The following CHST14 variants were observed in gnomAD, a reference collection of about 807,000 sequenced individuals.
CHST14 encodes carbohydrate sulfotransferase 14.
Under a neutral mutation model 22.7 loss-of-function variants are expected in CHST14, and 13 were observed. That is an observed-to-expected ratio of 0.57 (90% CI 0.37 to 0.91). CHST14 has a LOEUF of 0.91. Ranked by LOEUF, CHST14 falls within the 40% of genes least tolerant of loss-of-function variation. The pLI is 0.01. For missense variants in CHST14, 466 were observed against 513.1 expected (o/e 0.91, Z 0.89); for synonymous variants, 233 against 231.9 (o/e 1.00, Z -0.04).
In CHST14 at chr15:40,471,411, C is replaced by G. The variant is rs1014902072; in HGVS notation, c.198C>G (p.Ala66=). ...TCATGATCGAGCGGGGCATCCTGGC[C>G]GAGATGAAGCCCCTGCCCCTGCACC... The part of the protein sequence containing the change: ...LLLMIERGIL[A]EMKPLPLHPP... Residue 66 remains alanine, a synonymous_variant, in exon 1 of 1, where the codon GCC becomes GCG. Transcript: ENST00000306243. The surrounding 1 kb of genome is among the most constrained non-coding windows in gnomAD (Gnocchi z 6.4). 1.3e-6 allele frequency: 2 copies of G among 1,557,736 alleles called. No homozygotes were observed. Among genetic ancestry groups the G allele is most frequent in the African/African-American group, 2.7e-5 (2 of 73,816 alleles).
Position 40,472,054 on chromosome 15 carries a change from C to T in CHST14, c.841C>T (p.Pro281Ser), listed in dbSNP as rs1894358004. The change falls in exon 1 of 1, where the codon CCC (proline) becomes TCC (serine). Residue 281 changes from proline (P) to serine (S), a missense_variant. Physicochemically the swap from Pro to Ser is moderately conservative, Grantham distance 74. Coordinates refer to ENST00000306243, the MANE Select transcript of CHST14 (RefSeq NM_130468.4). ...TGAGCGCATGAATGAGCATTGGATG[C>T]CCGTGTACCACCTGTGCCAGCCTTG... ...DPERMNEHWM[P>S]VYHLCQPCAV... is the part of the protein sequence containing the mutation. The T allele has an allele frequency of 6.2e-7, 1 of 1,614,074 alleles. No individual in the cohort carries two copies. The highest frequency in any genetic ancestry group is 1.3e-5 in the African/African-American group (1 of 74,922).
chr15:40,472,483 G>A lies in CHST14; in HGVS notation c.*139G>A, dbSNP rs1894365250. 1.9e-6 allele frequency: 2 copies of A among 1,026,142 alleles called. No individual in the cohort carries two copies. Among genetic ancestry groups the A allele is most frequent in the Non-Finnish European group, 1.4e-6 (1 of 699,056 alleles). The allele number at this position is 1,026,142 out of a possible 1,614,324, so 63.6% of individuals were successfully genotyped here. On this transcript the variant is annotated 3_prime_UTR_variant, in exon 1 of 1. Coordinates refer to ENST00000306243, the MANE Select transcript of CHST14 (RefSeq NM_130468.4). Reference sequence around the variant, plus strand: ...TGGATGGCAGAGACTGCCCTCAGAAGTTCCTTGTCCAGGGTGGGCACCCAC... The same window carrying A: ...TGGATGGCAGAGACTGCCCTCAGAAATTCCTTGTCCAGGGTGGGCACCCAC...
At position 40,471,436 on chromosome 15, in the gene CHST14, C is replaced by T; in HGVS notation, c.223C>T (p.Pro75Ser). 6.4e-7 allele frequency: 1 copy of T among 1,566,736 alleles called. No individual in the cohort carries two copies. The highest frequency in any genetic ancestry group is 2.4e-5 in the East Asian group (1 of 42,518). ...CGAGATGAAGCCCCTGCCCCTGCAC[C>T]CGCCCGGCCGCGAGGGCACAGCCTG... ...LAEMKPLPLH[P>S]PGREGTAWRG... Residue 75 changes from proline (P) to serine (S), a missense_variant, in exon 1 of 1, where the codon CCG becomes TCG. Pro to Ser is a moderately conservative substitution (Grantham distance 74). Transcript: ENST00000306243. This position sits in a 1 kb window ranked among gnomAD's most constrained non-coding sequence, Gnocchi z 6.4.
At position 40,471,685 on chromosome 15, in the gene CHST14, G is replaced by A. The variant is rs1326303873; in HGVS notation, c.472G>A (p.Ala158Thr). 6.2e-7 allele frequency: 1 copy of A among 1,613,534 alleles called. No homozygotes were observed. Among genetic ancestry groups the A allele is most frequent in the Non-Finnish European group, 8.5e-7 (1 of 1,180,034 alleles). ...CCTCTACTGCTACGTCCCCAAGGTG[G>A]CCTGCTCTAACTGGAAGCGGGTGAT... is the stretch of plus-strand genomic sequence containing the variant. ...RFLYCYVPKV[A>T]CSNWKRVMKV... Residue 158 changes from alanine to threonine, a missense_variant, in exon 1 of 1, where the codon GCC becomes ACC. Physicochemically the swap from Ala to Thr is moderately conservative, Grantham distance 58. Transcript: ENST00000306243. The surrounding 1 kb of genome is among the most constrained non-coding windows in gnomAD (Gnocchi z 6.4).
Position 40,471,696 on chromosome 15 carries a change from C to G in CHST14, c.483C>G (p.Asn161Lys). ...YCYVPKVACS[N>K]WKRVMKVLAG... ...ACGTCCCCAAGGTGGCCTGCTCTAA[C>G]TGGAAGCGGGTGATGAAGGTGCTGG... Residue 161 changes from asparagine to lysine, a missense_variant, in exon 1 of 1, where the codon AAC (asparagine) becomes AAG (lysine). Coordinates refer to ENST00000306243, the MANE Select transcript of CHST14 (RefSeq NM_130468.4). This position sits in a 1 kb window ranked among gnomAD's most constrained non-coding sequence, Gnocchi z 6.4. 1 of 1,613,714 alleles carries G rather than the reference C, an allele frequency of 6.2e-7. No individual in the cohort carries two copies. The highest frequency in any genetic ancestry group is 2.2e-5 in the East Asian group (1 of 44,872).
At position 40,471,404 on chromosome 15, in the gene CHST14, T is replaced by A. The variant is rs1467496325; in HGVS notation, c.191T>A (p.Ile64Asn). 1 of 1,557,640 alleles carries A rather than the reference T, an allele frequency of 6.4e-7. No homozygotes were observed. Among genetic ancestry groups the A allele is most frequent in the South Asian group, 1.2e-5 (1 of 85,630 alleles). ...SGLLLMIERG[I>N]LAEMKPLPLH... ...CTGCTGCTCATGATCGAGCGGGGCA[T>A]CCTGGCCGAGATGAAGCCCCTGCCC... The change falls in exon 1 of 1, where the codon ATC becomes AAC. Residue 64 changes from isoleucine (I) to asparagine (N), a missense_variant. Transcript: ENST00000306243. The surrounding 1 kb of genome is among the most constrained non-coding windows in gnomAD (Gnocchi z 6.4).
In CHST14 at chr15:40,471,715, G is replaced by C. The variant is rs766591465; in HGVS notation, c.502G>C (p.Val168Leu). ...ACSNWKRVMK[V>L]LAGVLDSVDV... ...CTCTAACTGGAAGCGGGTGATGAAG[G>C]TGCTGGCAGGCGTCCTGGACAGCGT... The change falls in exon 1 of 1, where the codon GTG becomes CTG. Residue 168 changes from valine (V) to leucine (L), a missense_variant. Val to Leu is a conservative substitution (Grantham distance 32, BLOSUM62 1). Transcript: ENST00000306243. This position sits in a 1 kb window ranked among gnomAD's most constrained non-coding sequence, Gnocchi z 6.4. 3 of 1,613,616 alleles carry C rather than the reference G, an allele frequency of 1.9e-6. No individual in the cohort carries two copies. Among genetic ancestry groups the C allele is most frequent in the Non-Finnish European group, 2.5e-6 (3 of 1,180,026 alleles).
In CHST14 at chr15:40,471,131, T is replaced by A. The variant is rs1309514790; in HGVS notation, c.-83T>A. ...CCCAACTACCCCCGGTCCCAGACCCTCCTCCCGCCCCCAGCCCGAGCCCGC... is the reference window on the plus strand; with the variant it reads ...CCCAACTACCCCCGGTCCCAGACCCACCTCCCGCCCCCAGCCCGAGCCCGC... On this transcript the variant is annotated 5_prime_UTR_variant, in exon 1 of 1. Coordinates refer to ENST00000306243, the MANE Select transcript of CHST14 (RefSeq NM_130468.4). This position sits in a 1 kb window ranked among gnomAD's most constrained non-coding sequence, Gnocchi z 6.4. 2.8e-3 allele frequency: 343 copies of A among 122,072 alleles called. No individual in the cohort carries two copies. Among genetic ancestry groups the A allele is most frequent in the Middle Eastern group, 6.0e-3 (3 of 498 alleles). 7.6% of individuals were successfully genotyped at this position (122,072 alleles called of 1,614,324 possible).
rs1196719003 is a variant in CHST14, at chr15:40,471,053, C to T, written c.-161C>T. 1.1e-5 allele frequency: 4 copies of T among 367,694 alleles called. No individual in the cohort carries two copies. In the East Asian group the frequency reaches 1.7e-4, roughly 15 times the overall value. The allele number at this position is 367,694 out of a possible 1,614,324, so 22.8% of individuals were successfully genotyped here. On this transcript the variant is annotated 5_prime_UTR_variant, in exon 1 of 1. Coordinates refer to ENST00000306243, the MANE Select transcript of CHST14 (RefSeq NM_130468.4). The surrounding 1 kb of genome is among the most constrained non-coding windows in gnomAD (Gnocchi z 6.4). ...CCCGCCGCCCGCTTCGGCGCCGCAGCCCGGGAGCCGGCCACCCCTACACGC... is the reference window on the plus strand; with the variant it reads ...CCCGCCGCCCGCTTCGGCGCCGCAGTCCGGGAGCCGGCCACCCCTACACGC...
Position 40,472,424 on chromosome 15 carries a change from C to T in CHST14, c.*80C>T. 6.8e-7 allele frequency: 1 copy of T among 1,472,936 alleles called. No homozygotes were observed. Among genetic ancestry groups the T allele is most frequent in the Non-Finnish European group, 9.2e-7 (1 of 1,089,756 alleles). The allele number at this position is 1,472,936 out of a possible 1,614,324, so 91.2% of individuals were successfully genotyped here. ...TGCTTCTGCCTGTCATTCGGAGAAA[C>T]TCTGGCTCTGGGGCTTGGGGCTTCT... is the stretch of plus-strand genomic sequence containing the variant. On this transcript the variant is annotated 3_prime_UTR_variant, in exon 1 of 1. Transcript: ENST00000306243.
At position 40,471,837 on chromosome 15, in the gene CHST14, G is replaced by A. The variant is rs1894353095; in HGVS notation, c.624G>A (p.Lys208=). The change falls in exon 1 of 1, where the codon AAG becomes AAA. Residue 208 remains lysine, a synonymous_variant. Coordinates refer to ENST00000306243, the MANE Select transcript of CHST14 (RefSeq NM_130468.4). This position sits in a 1 kb window ranked among gnomAD's most constrained non-coding sequence, Gnocchi z 6.4. The part of the protein sequence containing the change: ...EIRYRLQHYF[K]FLFVREPLER... Reference sequence around the variant, plus strand: ...GCTACCGCCTGCAGCACTACTTTAAGTTCCTGTTTGTGCGGGAGCCCTTGG... The same window carrying A: ...GCTACCGCCTGCAGCACTACTTTAAATTCCTGTTTGTGCGGGAGCCCTTGG... 1 of 1,613,884 alleles carries A rather than the reference G, an allele frequency of 6.2e-7. No individual in the cohort carries two copies.
Position 40,472,475 on chromosome 15 carries a change from C to T in CHST14, c.*131C>T. On this transcript the variant is annotated 3_prime_UTR_variant, in exon 1 of 1. Transcript: ENST00000306243. Reference sequence around the variant, plus strand: ...CAGGATCCTGGATGGCAGAGACTGCCCTCAGAAGTTCCTTGTCCAGGGTGG... The same window carrying T: ...CAGGATCCTGGATGGCAGAGACTGCTCTCAGAAGTTCCTTGTCCAGGGTGG... 1.8e-6 allele frequency: 2 copies of T among 1,091,438 alleles called. No individual in the cohort carries two copies. The highest frequency in any genetic ancestry group is 1.6e-5 in the South Asian group (1 of 63,864). 67.6% of individuals were successfully genotyped at this position (1,091,438 alleles called of 1,614,324 possible).
In CHST14 at chr15:40,472,352, T is replaced by TCA. The variant is rs758975711; in HGVS notation, c.*8_*9insCA. On this transcript the variant is annotated 3_prime_UTR_variant, in exon 1 of 1. Transcript: ENST00000306243. ...GAGGCGTGTCAGCAGTGACCATGGG[T>TCA]GTGGGGCCAGCAGCTGGTGGGGACT... The TCA allele has an allele frequency of 9.4e-6, 15 of 1,588,262 alleles. No individual in the cohort carries two copies. The highest frequency in any genetic ancestry group is 1.1e-5 in the Non-Finnish European group (13 of 1,166,260).
Position 40,471,111 on chromosome 15 carries a change from C to T in CHST14, c.-103C>T, listed in dbSNP as rs1894335581. 2 of 321,088 alleles carry T rather than the reference C, an allele frequency of 6.2e-6. No individual in the cohort carries two copies. The highest frequency in any genetic ancestry group is 2.3e-5 in the African/African-American group (1 of 44,270). The allele number at this position is 321,088 out of a possible 1,614,324, so 19.9% of individuals were successfully genotyped here. A position where few individuals can be genotyped will look rare whatever the true frequency, so the allele number is the denominator to read the frequency against. On this transcript the variant is annotated 5_prime_UTR_variant, in exon 1 of 1. Coordinates refer to ENST00000306243, the MANE Select transcript of CHST14 (RefSeq NM_130468.4). This position sits in a 1 kb window ranked among gnomAD's most constrained non-coding sequence, Gnocchi z 6.4. ...CTGTCCCCTGCCCTCCCCTCCCCAA[C>T]TACCCCCGGTCCCAGACCCTCCTCC...
In CHST14 at chr15:40,471,062, C is replaced by G. The variant is rs1413701311; in HGVS notation, c.-152C>G. ...CGCTTCGGCGCCGCAGCCCGGGAGCCGGCCACCCCTACACGCGCCAGGGCT... is the reference window on the plus strand; with the variant it reads ...CGCTTCGGCGCCGCAGCCCGGGAGCGGGCCACCCCTACACGCGCCAGGGCT... On this transcript the variant is annotated 5_prime_UTR_variant, in exon 1 of 1. Transcript: ENST00000306243. The surrounding 1 kb of genome is among the most constrained non-coding windows in gnomAD (Gnocchi z 6.4). The G allele has an allele frequency of 5.6e-5, 21 of 377,126 alleles. 1 individual carries two copies. The East Asian group carries it at 8.6e-4, about 15-fold the overall frequency. The allele number at this position is 377,126 out of a possible 1,614,324, so 23.4% of individuals were successfully genotyped here. A position where few individuals can be genotyped will look rare whatever the true frequency, so the allele number is the denominator to read the frequency against.
Position 40,471,111 on chromosome 15 carries a change from C to G in CHST14, c.-103C>G, listed in dbSNP as rs1894335581. ...CTGTCCCCTGCCCTCCCCTCCCCAACTACCCCCGGTCCCAGACCCTCCTCC... is the reference window on the plus strand; with the variant it reads ...CTGTCCCCTGCCCTCCCCTCCCCAAGTACCCCCGGTCCCAGACCCTCCTCC... On this transcript the variant is annotated 5_prime_UTR_variant, in exon 1 of 1. Coordinates refer to ENST00000306243, the MANE Select transcript of CHST14 (RefSeq NM_130468.4). This position sits in a 1 kb window ranked among gnomAD's most constrained non-coding sequence, Gnocchi z 6.4. 3.1e-6 allele frequency: 1 copy of G among 321,088 alleles called. No homozygotes were observed. The highest frequency in any genetic ancestry group is 2.3e-5 in the African/African-American group (1 of 44,270). 19.9% of individuals were successfully genotyped at this position (321,088 alleles called of 1,614,324 possible). A position where few individuals can be genotyped will look rare whatever the true frequency, so the allele number is the denominator to read the frequency against.
In CHST14 at chr15:40,471,376, G is replaced by A. The variant is rs139908298; in HGVS notation, c.163G>A (p.Gly55Arg). 10 of 1,556,496 alleles carry A rather than the reference G, an allele frequency of 6.4e-6. No individual in the cohort carries two copies. The highest frequency in any genetic ancestry group is 1.2e-5 in the South Asian group (1 of 85,438). The change falls in exon 1 of 1, where the codon GGG becomes AGG. Residue 55 changes from glycine (G) to arginine (R), a missense_variant. Physicochemically the swap from Gly to Arg is moderately radical, Grantham distance 125. Coordinates refer to ENST00000306243, the MANE Select transcript of CHST14 (RefSeq NM_130468.4). The surrounding 1 kb of genome is among the most constrained non-coding windows in gnomAD (Gnocchi z 6.4). The stretch of plus-strand genomic sequence containing the variant: ...GTTTGCGGTGATCGTGGCCTCCAGC[G>A]GGCTGCTGCTCATGATCGAGCGGGG... ...LMFAVIVASSGLLLMIERGIL... is the reference protein window; with the variant it reads ...LMFAVIVASSRLLLMIERGIL...
chr15:40,471,371 C>A lies in CHST14; in HGVS notation c.158C>A (p.Ser53Tyr), dbSNP rs896003662. The change falls in exon 1 of 1, where the codon TCC (serine) becomes TAC (tyrosine). Residue 53 changes from serine (S) to tyrosine (Y), a missense_variant. Transcript: ENST00000306243. The surrounding 1 kb of genome is among the most constrained non-coding windows in gnomAD (Gnocchi z 6.4). The part of the protein sequence containing the change: ...SMLMFAVIVA[S>Y]SGLLLMIERG... Reference sequence around the variant, plus strand: ...CTGATGTTTGCGGTGATCGTGGCCTCCAGCGGGCTGCTGCTCATGATCGAG... The same window carrying A: ...CTGATGTTTGCGGTGATCGTGGCCTACAGCGGGCTGCTGCTCATGATCGAG... 8 of 1,556,100 alleles carry A rather than the reference C, an allele frequency of 5.1e-6. No individual in the cohort carries two copies. The highest frequency in any genetic ancestry group is 6.9e-6 in the Non-Finnish European group (8 of 1,155,176).
chr15:40,471,675 C>T lies in CHST14; in HGVS notation c.462C>T (p.Val154=), dbSNP rs1478974228. 13 of 1,613,680 alleles carry T rather than the reference C, an allele frequency of 8.1e-6. No homozygotes were observed. Among genetic ancestry groups the T allele is most frequent in the African/African-American group, 1.3e-5 (1 of 75,070 alleles). Residue 154 remains valine, a synonymous_variant, in exon 1 of 1, where the codon GTC becomes GTT. Transcript: ENST00000306243. This position sits in a 1 kb window ranked among gnomAD's most constrained non-coding sequence, Gnocchi z 6.4. ...GTTACCGCTTCCTCTACTGCTACGTCCCCAAGGTGGCCTGCTCTAACTGGA... is the reference window on the plus strand; with the variant it reads ...GTTACCGCTTCCTCTACTGCTACGTTCCCAAGGTGGCCTGCTCTAACTGGA... ...SDRYRFLYCY[V]PKVACSNWKR...
Sources: gnomAD v4.1 joint callset for allele counts on GRCh38, gnomAD v4.1.1 for gene constraint, Gnocchi (gnomAD v3.1) non-coding constraint, MANE v1.5 for transcripts, NCBI Gene and HGNC (gene_info 2026-07-23, HGNC 2026-07-21) for gene names.